LRMDA: variants seen among roughly 807,000 people sequenced by gnomAD.
The protein encoded by LRMDA is leucine rich melanocyte differentiation associated.
Under a neutral mutation model 29.8 loss-of-function variants are expected in LRMDA, and 18 were observed. That is an observed-to-expected ratio of 0.60 (90% CI 0.42 to 0.90). The LOEUF is 0.90. Ranked by LOEUF, LRMDA falls within the 40% of genes least tolerant of loss-of-function variation. The probability of loss-of-function intolerance (pLI) is 0.00; values close to 1 mark genes in which losing one functional copy is unlikely to be tolerated. For synonymous variants in LRMDA, 125 were observed against 109.4 expected (o/e 1.14, Z -0.89); for missense variants, 273 against 273.9 (o/e 1.00, Z 0.02).
intron 5 of LRMDA, among the ~76,000 whole-genome samples, chr10:76,272,292 A>G (rs1012015409): frequency 2.0e-5 from 3 of 152,118 alleles, no homozygotes; most frequent in African/African-American, 7.2e-5. Context: ...ATCCTCCTCA[A>G]TGGACTTGAT....
At chr10:75,524,344 C>T (rs904705636) in intron 2 of LRMDA, among the ~76,000 whole-genome samples, 2 of 152,078 alleles carry the variant, frequency 1.3e-5, no homozygotes, top group Admixed American at 6.6e-5. Flanking sequence ...TCTCTGCCTA[C>T]TTGTGTGATC....
At chr10:75,684,484 A>G (rs1438641612) in intron 2 of LRMDA, among the ~76,000 whole-genome samples, 1 of 152,180 alleles carries the variant, frequency 6.6e-6, no homozygotes, top group Non-Finnish European at 1.5e-5. Context: ...TCTTAGCCAG[A>G]TATTCCTAAG....
chr10:75,645,178 T>A (rs1173149152), intron 2 of LRMDA, among the ~76,000 whole-genome samples: 1 of 152,186 alleles, frequency 6.6e-6, no homozygotes, highest in African/African-American at 2.4e-5. Flanking sequence ...AGAAGGAGTT[T>A]TGCCATGTTG....
chr10:76,350,127 G>C (rs1486300610), intron 6 of LRMDA, among the ~76,000 whole-genome samples: 1 of 149,564 alleles, frequency 6.7e-6, no homozygotes, highest in Admixed American at 6.6e-5. Flanking sequence ...TGAAAACCAT[G>C]AAAATGAAAA....
intron 2 of LRMDA, among the ~76,000 whole-genome samples, chr10:75,627,017 C>T (rs560270786): frequency 2.0e-5 from 3 of 152,300 alleles, no homozygotes; most frequent in African/African-American, 7.2e-5. Context: ...TTTATTGATC[C>T]CACCTTCTCA....
At chr10:75,940,547 A>G (rs1382914040) in intron 2 of LRMDA, among the ~76,000 whole-genome samples, 2 of 152,064 alleles carry the variant, frequency 1.3e-5, no homozygotes, top group East Asian at 1.9e-4. Flanking sequence ...GTAACCTCCT[A>G]TCTCTGTTCC....
intron 2 of LRMDA, among the ~76,000 whole-genome samples, chr10:75,928,924 C>G (rs1048525907): frequency 6.6e-6 from 1 of 152,178 alleles, no homozygotes. Flanking sequence ...CCTGTATCTG[C>G]TTTACATATT....
chr10:75,687,117 A>C (rs1388005379), intron 2 of LRMDA, among the ~76,000 whole-genome samples: 1 of 152,196 alleles, frequency 6.6e-6, no homozygotes, highest in East Asian at 1.9e-4. Context: ...AATTAGGGCA[A>C]TTAATGACCC....
At chr10:75,542,985 C>CA (rs1240270012) in intron 2 of LRMDA, among the ~76,000 whole-genome samples, 1 of 152,200 alleles carries the variant, frequency 6.6e-6, no homozygotes, top group Non-Finnish European at 1.5e-5. Context: ...TTCCAAGAAT[C>CA]AGTCAGGAGG....
At chr10:76,134,780 T>A (rs1850062728) in intron 5 of LRMDA, among the ~76,000 whole-genome samples, 1 of 152,180 alleles carries the variant, frequency 6.6e-6, no homozygotes, top group African/African-American at 2.4e-5. Flanking sequence ...TAATAGGATT[T>A]CCCTCCAATA....
intron 5 of LRMDA, among the ~76,000 whole-genome samples, chr10:76,299,205 A>G (rs2132358089): frequency 6.7e-6 from 1 of 148,620 alleles, no homozygotes; most frequent in East Asian, 2.0e-4. Flanking sequence ...ACGCACGCGC[A>G]ATATGTTTTA....
chr10:75,924,848 T>C (rs918151622), intron 2 of LRMDA, among the ~76,000 whole-genome samples: 15 of 152,076 alleles, frequency 9.9e-5, no homozygotes, highest in Admixed American at 1.3e-4. Flanking sequence ...TATTATATTT[T>C]CCCCCTTTTC....
chr10:75,954,015 G>A lies in LRMDA; in HGVS notation c.132-81993G>A, dbSNP rs192423165. ...TCAAAGAGAGAGAGGGATTTGACATGCTCTTGCTGGCGTGACAATGGAGGG... is the reference window on the plus strand; with the variant it reads ...TCAAAGAGAGAGAGGGATTTGACATACTCTTGCTGGCGTGACAATGGAGGG... On this transcript the variant is annotated intron_variant, in intron 2 of 6. Transcript: ENST00000611255. Among the ~76,000 whole-genome samples, 22 of 152,316 alleles carry A rather than the reference G, an allele frequency of 1.4e-4. No individual in the cohort carries two copies. In the East Asian group the frequency reaches 4.0e-3, roughly 28 times the overall value.
chr10:76,071,342 A>G (rs1848873178), intron 5 of LRMDA, among the ~76,000 whole-genome samples: 1 of 152,244 alleles, frequency 6.6e-6, no homozygotes, highest in Non-Finnish European at 1.5e-5. Flanking sequence ...GTATTATGAA[A>G]CAAACAAACA....
chr10:75,674,583 C>T (rs1256850650), intron 2 of LRMDA, among the ~76,000 whole-genome samples: 6 of 152,058 alleles, frequency 3.9e-5, no homozygotes, highest in Non-Finnish European at 7.4e-5. Flanking sequence ...TTGAATAATG[C>T]GATCCTTAAA....
At chr10:75,966,741 T>C (rs932265898) in intron 2 of LRMDA, among the ~76,000 whole-genome samples, 5 of 152,238 alleles carry the variant, frequency 3.3e-5, no homozygotes, top group Non-Finnish European at 7.3e-5. Context: ...TTAGAGATTC[T>C]TGAGTTCAAA....
chr10:75,990,125 G>A (rs993562662), intron 2 of LRMDA, among the ~76,000 whole-genome samples: 8 of 152,192 alleles, frequency 5.3e-5, no homozygotes, highest in African/African-American at 1.9e-4. Context: ...ATTTAGAAAG[G>A]CTCTGTAGGG....
intron 2 of LRMDA, among the ~76,000 whole-genome samples, chr10:75,909,395 C>G (rs1293129823): frequency 6.6e-6 from 1 of 152,198 alleles, no homozygotes; most frequent in Non-Finnish European, 1.5e-5. Context: ...CATGGAACCT[C>G]TCTCTGCATC....
chr10:76,306,700 G>T (rs1019080103), intron 5 of LRMDA, among the ~76,000 whole-genome samples: 1 of 152,182 alleles, frequency 6.6e-6, no homozygotes, highest in African/African-American at 2.4e-5. Context: ...ATGCACATTA[G>T]AATTAATTTT....
Sources: allele counts gnomAD v4.1 joint callset (sites outside exome capture counted in the v4.1 genomes callset), GRCh38; gene constraint gnomAD v4.1.1; transcripts MANE v1.5; gene names NCBI Gene and HGNC (gene_info 2026-07-23, HGNC 2026-07-21).